The following CDH4 variants were observed in gnomAD, a reference collection of about 807,000 sequenced individuals.
CDH4 encodes the protein cadherin 4.
A neutral mutation model predicts 86.0 loss-of-function variants in CDH4; 33 were observed. The ratio of observed to expected loss-of-function variants is 0.38; its 90% CI spans 0.29 to 0.51. The LOEUF (loss-of-function observed/expected upper bound fraction) is 0.51. Ranked by LOEUF, CDH4 falls within the 20% of genes least tolerant of loss-of-function variation. The pLI is 0.86. For missense variants in CDH4, 1,114 were observed against 1,307.4 expected (o/e 0.85, Z 2.28); for synonymous variants, 555 against 549.4 (o/e 1.01, Z -0.14).
At chr20:61,646,238 G>A (rs879762433) in intron 2 of CDH4, among the ~76,000 whole-genome samples, 11 of 152,002 alleles carry the variant, frequency 7.2e-5, no homozygotes, top group African/African-American at 1.4e-4. Context: ...CTGGATGTCC[G>A]TTCAGGAACT....
At chr20:61,745,264 T>C (rs1304091063) in intron 3 of CDH4, among the ~76,000 whole-genome samples, 1 of 152,078 alleles carries the variant, frequency 6.6e-6, no homozygotes, top group Non-Finnish European at 1.5e-5. Context: ...GTGAGACCAG[T>C]CTGCAAGTTT....
At chr20:61,912,050 T>C (rs1395056803) in intron 9 of CDH4, among the ~76,000 whole-genome samples, 1 of 152,162 alleles carries the variant, frequency 6.6e-6, no homozygotes, top group African/African-American at 2.4e-5. Context: ...GTGCACACCT[T>C]TCAGCTTCTA....
intron 8 of CDH4, among the ~76,000 whole-genome samples, chr20:61,897,829 C>T (rs955142371): frequency 1.1e-4 from 16 of 152,228 alleles, no homozygotes; most frequent in African/African-American, 2.9e-4. Context: ...GGCAGGGGAA[C>T]GGCATCTCTT....
rs558781330 is a variant in CDH4, at chr20:61,803,085, G to A, written c.576+29903G>A. On this transcript the variant is annotated intron_variant, in intron 4 of 15. Coordinates refer to ENST00000614565, the MANE Select transcript of CDH4 (RefSeq NM_001794.5). ...CCCACGCCCCCACTGCTAATTGCCT[G>A]CCTGTAGAGCGGCCAGCCCTGTCTC... 2.8e-4 allele frequency among the ~76,000 whole-genome samples: 43 copies of A among 152,350 alleles called. 1 individual carries two copies. Among genetic ancestry groups the A allele is most frequent in the South Asian group, 2.3e-3 (11 of 4,828 alleles).
chr20:61,787,801 T>C (rs889579940), intron 4 of CDH4, among the ~76,000 whole-genome samples: 1 of 152,142 alleles, frequency 6.6e-6, no homozygotes, highest in Non-Finnish European at 1.5e-5. Context: ...CATGGGGATA[T>C]CGAGGGGATG....
intron 2 of CDH4, among the ~76,000 whole-genome samples, chr20:61,374,552 C>T (rs1053599418): frequency 7.2e-5 from 11 of 152,210 alleles, no homozygotes; most frequent in African/African-American, 2.4e-4. Flanking sequence ...GATGGGATGA[C>T]GGTAGTACCG....
intron 3 of CDH4, among the ~76,000 whole-genome samples, chr20:61,770,671 C>T (rs1174098047): frequency 2.6e-5 from 4 of 152,158 alleles, no homozygotes; most frequent in Non-Finnish European, 5.9e-5. Flanking sequence ...ATCACAAGGT[C>T]AGGAGATCGA....
At chr20:61,762,957 A>C (rs867072687) in intron 3 of CDH4, among the ~76,000 whole-genome samples, 7 of 152,228 alleles carry the variant, frequency 4.6e-5, no homozygotes, top group South Asian at 4.1e-4. Context: ...ACTGATTTGA[A>C]AACATTCCCA....
chr20:61,794,447 G>T (rs1979416475), intron 4 of CDH4, among the ~76,000 whole-genome samples: 1 of 152,198 alleles, frequency 6.6e-6, no homozygotes. Flanking sequence ...CAAGTCCCTT[G>T]GTCCTTGGTT....
chr20:61,692,457 G>C (rs549226996), intron 2 of CDH4, among the ~76,000 whole-genome samples: 3 of 151,780 alleles, frequency 2.0e-5, no homozygotes, highest in African/African-American at 7.2e-5. Context: ...GTTTGAAATA[G>C]ATAGACTGAC....
intron 2 of CDH4, among the ~76,000 whole-genome samples, chr20:61,402,493 G>C (rs192914206): frequency 7.2e-5 from 11 of 152,274 alleles, no homozygotes; most frequent in African/African-American, 2.4e-4. Flanking sequence ...CCGGGTTCAA[G>C]CAATTCTCAT....
chr20:61,731,089 C>T (rs926571503), intron 2 of CDH4, among the ~76,000 whole-genome samples: 3 of 152,036 alleles, frequency 2.0e-5, no homozygotes, highest in African/African-American at 4.8e-5. Flanking sequence ...GAAGGATCTG[C>T]ACCGGGAGAT....
intron 2 of CDH4, among the ~76,000 whole-genome samples, chr20:61,397,056 T>C (rs2085021559): frequency 6.6e-6 from 1 of 152,056 alleles, no homozygotes; most frequent in African/African-American, 2.4e-5. Context: ...GGATTACAGG[T>C]GCGCCACCAC....
intron 2 of CDH4, among the ~76,000 whole-genome samples, chr20:61,526,542 C>T (rs145541636): frequency 0.012 from 1,770 of 151,488 alleles, 23 homozygotes; most frequent in Non-Finnish European, 0.018. Flanking sequence ...TACATGTGCA[C>T]AATGTGCAGG....
chr20:61,654,381 T>C (rs6121747), intron 2 of CDH4, among the ~76,000 whole-genome samples: 49,835 of 152,058 alleles, frequency 0.33, 8,349 homozygotes, highest in East Asian at 0.57. Context: ...AGCAGTACAG[T>C]CCAGCTTTGG....
chr20:61,634,785 C>A (rs1054854009), intron 2 of CDH4, among the ~76,000 whole-genome samples: 8 of 152,210 alleles, frequency 5.3e-5, no homozygotes, highest in South Asian at 2.1e-4. Flanking sequence ...AAATAAAATT[C>A]TGTCCCCATT....
intron 2 of CDH4, among the ~76,000 whole-genome samples, chr20:61,652,926 A>ATTTTTTTTTTTTTTTTTT (rs1430069868): frequency 8.9e-6 from 1 of 112,616 alleles, no homozygotes; most frequent in African/African-American, 3.0e-5. Context: ...GAATTTATTT[A>ATTTTTTTTTTTTTTTTTT]TTTATTTATT....
At chr20:61,872,224 G>A (rs139683049) in intron 6 of CDH4, among the ~76,000 whole-genome samples, 27 of 152,270 alleles carry the variant, frequency 1.8e-4, no homozygotes, top group Admixed American at 6.5e-4. Context: ...ACCCAGCCCC[G>A]CCCTTGTGGT....
chr20:61,329,566 C>A (rs992475523), intron 2 of CDH4, among the ~76,000 whole-genome samples: 8 of 152,092 alleles, frequency 5.3e-5, no homozygotes, highest in Non-Finnish European at 8.8e-5. Context: ...TACTTTCAAT[C>A]AATCTCTTTC....
Sources: allele counts gnomAD v4.1 joint callset (sites outside exome capture counted in the v4.1 genomes callset), GRCh38; gene constraint gnomAD v4.1.1; transcripts MANE v1.5; gene names NCBI Gene and HGNC (gene_info 2026-07-23, HGNC 2026-07-21).